The following CDYL variants were observed in gnomAD, a reference collection of about 807,000 sequenced individuals.
CDYL encodes the protein chromodomain Y-like protein.
A neutral mutation model predicts 47.3 loss-of-function variants in CDYL; 8 were observed. That is an observed-to-expected ratio of 0.17 (90% CI 0.10 to 0.31). The LOEUF is 0.31. Ranked by LOEUF, CDYL falls within the 10% of genes least tolerant of loss-of-function variation. CDYL has a pLI of 1.00. For missense variants in CDYL, 471 were observed against 701.4 expected (o/e 0.67, Z 3.71); for synonymous variants, 266 against 265.0 (o/e 1.00, Z -0.04).
chr6:4,933,940 A>G (rs1758107767), intron 2 of CDYL, among the ~76,000 whole-genome samples: 1 of 152,266 alleles, frequency 6.6e-6, no homozygotes, highest in Admixed American at 6.5e-5. Context: ...CCTGCCACGC[A>G]GCCTTAGGAA....
intron 1 of CDYL, among the ~76,000 whole-genome samples, chr6:4,817,415 C>G (rs1254035167): frequency 1.3e-5 from 2 of 150,842 alleles, no homozygotes; most frequent in Non-Finnish European, 1.5e-5. Flanking sequence ...TCAGAGCCAG[C>G]TACTCACTCC....
chr6:4,772,074 A>T (rs192354453), upstream of CDYL, among the ~76,000 whole-genome samples: 3 of 152,384 alleles, frequency 2.0e-5, no homozygotes, highest in East Asian at 5.8e-4. Context: ...TTAGCTAAAT[A>T]GAAAAAGGAA....
chr6:4,905,882 G>A (rs554803827), intron 2 of CDYL, among the ~76,000 whole-genome samples: 1 of 152,210 alleles, frequency 6.6e-6, no homozygotes, highest in Admixed American at 6.5e-5. Flanking sequence ...GGCTTTTAGG[G>A]GATCCCTCAC....
chr6:4,765,764 A>T (rs558754230), intron 3 of CDYL, among the ~76,000 whole-genome samples: 6 of 152,214 alleles, frequency 3.9e-5, no homozygotes, highest in Admixed American at 3.9e-4. Context: ...GGGTTTTGCC[A>T]TGTTGGCCAG....
At chr6:4,782,109 T>A (rs1283447005) in intron 1 of CDYL, among the ~76,000 whole-genome samples, 1 of 152,052 alleles carries the variant, frequency 6.6e-6, no homozygotes, top group Non-Finnish European at 1.5e-5. Context: ...GAGCTCTCGG[T>A]GGACCAGACT....
intron 1 of CDYL, among the ~76,000 whole-genome samples, chr6:4,785,240 A>T (rs1758725142): frequency 6.6e-6 from 1 of 152,268 alleles, no homozygotes. Flanking sequence ...AGGTTCGCAC[A>T]GCAGTGAAAT....
intron 1 of CDYL, among the ~76,000 whole-genome samples, chr6:4,828,616 C>T (rs975186431): frequency 6.6e-5 from 10 of 151,212 alleles, no homozygotes; most frequent in South Asian, 2.1e-4. Context: ...TGAGCTTATT[C>T]GGCTTGGAAT....
At position 4,843,344 on chromosome 6, in the gene CDYL, C is replaced by T. The variant is rs529108759; in HGVS notation, c.25-48369C>T. On this transcript the variant is annotated intron_variant, in intron 1 of 6. Transcript: ENST00000397588. Reference sequence around the variant, plus strand: ...TTTCCCAGGTGTTCTTTGAGCTTCTCGTATTTGGATGTCTAGATCTCTGTC... The same window carrying T: ...TTTCCCAGGTGTTCTTTGAGCTTCTTGTATTTGGATGTCTAGATCTCTGTC... Among the ~76,000 whole-genome samples the T allele has an allele frequency of 3.9e-5, 6 of 152,138 alleles. No homozygotes were observed. The South Asian group carries it at 6.2e-4, about 16-fold the overall frequency.
chr6:4,815,809 G>C (rs1759658494), intron 1 of CDYL, among the ~76,000 whole-genome samples: 1 of 148,164 alleles, frequency 6.7e-6, no homozygotes, highest in South Asian at 2.1e-4. Flanking sequence ...CTAATTTACT[G>C]CCTGTTTTGG....
chr6:4,762,645 CAAAAAAAAAAAAAA>C (rs1173404314), intron 3 of CDYL, among the ~76,000 whole-genome samples: 4 of 39,624 alleles, frequency 1.0e-4, no homozygotes, highest in African/African-American at 3.1e-4. Flanking sequence ...TAAAGGGTAC[CAAAAAAAAAAAAAA>C]AAAAAAAAAA....
intron 3 of CDYL, among the ~76,000 whole-genome samples, chr6:4,759,573 T>TGA (rs1300707738): frequency 6.6e-6 from 1 of 151,938 alleles, no homozygotes; most frequent in Non-Finnish European, 1.5e-5. Flanking sequence ...AGCCCATTGA[T>TGA]CTTCTCATTT....
chr6:4,901,661 G>T lies in CDYL; in HGVS notation c.691+9282G>T, dbSNP rs139324381. Among the ~76,000 whole-genome samples, 3 of 152,302 alleles carry T rather than the reference G, an allele frequency of 2.0e-5. No individual in the cohort carries two copies. In the East Asian group the frequency reaches 5.8e-4, roughly 29 times the overall value. ...TGACTTCCATTTAGTTCTTTGTACT[G>T]TGTCACACTGATAAGTGAATTTTTT... is the stretch of plus-strand genomic sequence containing the variant. On this transcript the variant is annotated intron_variant, in intron 2 of 6. Transcript: ENST00000397588.
At chr6:4,763,489 T>C (rs1328862344) in intron 3 of CDYL, among the ~76,000 whole-genome samples, 2 of 150,726 alleles carry the variant, frequency 1.3e-5, no homozygotes, top group Non-Finnish European at 2.9e-5. Flanking sequence ...ATGGAATAAA[T>C]GGTGTAAAGT....
intron 2 of CDYL, among the ~76,000 whole-genome samples, chr6:4,922,706 T>A (rs1483972105): frequency 6.6e-6 from 1 of 152,222 alleles, no homozygotes; most frequent in Non-Finnish European, 1.5e-5. Flanking sequence ...TTCCTCTGAT[T>A]TATGGGAATT....
chr6:4,755,350 C>A (rs1018984111), intron 3 of CDYL, among the ~76,000 whole-genome samples: 5 of 152,190 alleles, frequency 3.3e-5, no homozygotes, highest in Admixed American at 1.3e-4. Flanking sequence ...GGATTACAGG[C>A]GTGAGCCACC....
intron 2 of CDYL, among the ~76,000 whole-genome samples, chr6:4,721,609 G>A (rs1304094271): frequency 6.6e-6 from 1 of 152,016 alleles, no homozygotes; most frequent in African/African-American, 2.4e-5. Flanking sequence ...ATCCACTCCT[G>A]GCCTCAACTG....
intron 1 of CDYL, among the ~76,000 whole-genome samples, chr6:4,847,075 C>CT (rs1760682139): frequency 6.6e-6 from 1 of 152,202 alleles, no homozygotes; most frequent in African/African-American, 2.4e-5. Flanking sequence ...ACAGTCATGT[C>CT]TATCTGCTGC....
intron 1 of CDYL, among the ~76,000 whole-genome samples, chr6:4,844,220 G>A (rs1266963728): frequency 6.6e-6 from 1 of 152,248 alleles, no homozygotes; most frequent in South Asian, 2.1e-4. Flanking sequence ...GCACCTGAGC[G>A]TGCTTAATTG....
intron 2 of CDYL, among the ~76,000 whole-genome samples, chr6:4,899,133 T>C (rs888518763): frequency 6.6e-6 from 1 of 152,210 alleles, no homozygotes; most frequent in East Asian, 1.9e-4. Flanking sequence ...TCAATGTAGT[T>C]TTCTTTGAAA....
Sources: gnomAD v4.1 joint callset for allele counts (sites outside exome capture counted in the v4.1 genomes callset) on GRCh38, gnomAD v4.1.1 for gene constraint, MANE v1.5 for transcripts, NCBI Gene and HGNC (gene_info 2026-07-23, HGNC 2026-07-21) for gene names.